Variants in PDHX observed in about 807,000 individuals in gnomAD.
The protein encoded by PDHX is pyruvate dehydrogenase protein X component, mitochondrial.
PDHX carries 33 observed loss-of-function variants against 55.3 expected under a neutral mutation model. The ratio of observed to expected loss-of-function variants is 0.60; its 90% CI spans 0.45 to 0.80. PDHX has a LOEUF of 0.80. Ranked by LOEUF, PDHX falls within the 30% of genes least tolerant of loss-of-function variation. The pLI is 0.00. For missense variants in PDHX, 622 were observed against 619.9 expected, an observed-to-expected ratio of 1.00 and a Z score of -0.04; for synonymous variants, 226 against 219.4, an observed-to-expected ratio of 1.03 and a Z score of -0.27.
At chr11:34,916,562 T>C (rs1853710309), upstream of PDHX, 3 of 1,542,614 alleles carry the variant, frequency 1.9e-6, no homozygotes, top group Non-Finnish European at 2.6e-6. Context: ...AAGGCACCGC[T>C]AGCGTCTGGG....
chr11:34,970,178 G>C lies in PDHX; in HGVS notation c.856G>C (p.Val286Leu), dbSNP rs776474910. Reference sequence around the variant, plus strand: ...AATCCCCGCCAGCAATATTCGAAGAGTTATTGCCAAGAGATTAACTGAATC... The same window carrying C: ...AATCCCCGCCAGCAATATTCGAAGACTTATTGCCAAGAGATTAACTGAATC... ...TEIPASNIRR[V>L]IAKRLTESKS... The change falls in exon 7 of 11, where the codon GTT (valine) becomes CTT (leucine). Residue 286 changes from valine to leucine, a missense_variant. Val to Leu is a conservative substitution (Grantham distance 32, BLOSUM62 1). Coordinates refer to ENST00000227868, the MANE Select transcript of PDHX (RefSeq NM_003477.3). 6.2e-7 allele frequency: 1 copy of C among 1,612,762 alleles called. No individual in the cohort carries two copies. Among genetic ancestry groups the C allele is most frequent in the South Asian group, 1.1e-5 (1 of 91,064 alleles).
intron 9 of PDHX, among the ~76,000 whole-genome samples, chr11:34,990,425 T>G (rs1855732837): frequency 6.6e-6 from 1 of 152,218 alleles, no homozygotes. Context: ...TAGAGTTCAC[T>G]GACAGGAATT....
chr11:34,931,565 T>C (rs529403855), intron 2 of PDHX, 81 bp downstream of exon 2: 2 of 741,698 alleles, frequency 2.7e-6, no homozygotes, highest in Non-Finnish European at 4.8e-6. Flanking sequence ...TAATCTGTCC[T>C]GTTATACAGT....
At chr11:34,951,034 C>T in intron 3 of PDHX, among the ~76,000 whole-genome samples, 1 of 149,046 alleles carries the variant, frequency 6.7e-6, no homozygotes, top group Non-Finnish European at 1.5e-5. Flanking sequence ...CTCTCCAGCA[C>T]CTTTTGTTTC....
chr11:34,994,817 C>A, intron 10 of PDHX, 97 bp from the exon 11 acceptor site: 1 of 1,370,194 alleles, frequency 7.3e-7, no homozygotes, highest in Non-Finnish European at 1.0e-6. Flanking sequence ...TCTTGCCTTA[C>A]TACACTGCCT....
chr11:34,947,970 T>G (rs976300976), intron 3 of PDHX, among the ~76,000 whole-genome samples: 4 of 152,206 alleles, frequency 2.6e-5, no homozygotes, highest in Non-Finnish European at 5.9e-5. Context: ...TCCAGAACCT[T>G]TACTAGGTAG....
chr11:34,984,977 C>T, intron 9 of PDHX: 1 of 407,846 alleles, frequency 2.5e-6, no homozygotes. Context: ...GGAACAACTT[C>T]ATGCTAAAGA....
intron 2 of PDHX, among the ~76,000 whole-genome samples, chr11:34,936,801 T>TTTGTTTTG (rs1854328588): frequency 7.5e-6 from 1 of 133,928 alleles, no homozygotes; most frequent in Non-Finnish European, 1.6e-5. Flanking sequence ...TTTTTTTTTT[T>TTTGTTTTG]TTTTCTGAGA....
chr11:34,969,303 G>T (rs1250327560), intron 6 of PDHX, among the ~76,000 whole-genome samples: 1 of 150,740 alleles, frequency 6.6e-6, no homozygotes, highest in African/African-American at 2.4e-5. Context: ...TTAATAGTTG[G>T]TTTGTTGATT....
rs1776648750 is a variant in PDHX, at chr11:34,995,893, TGTAAACCTTTCTAG to T, written c.*729_*742del. The T allele has an allele frequency of 2.0e-5, 3 of 152,264 alleles. No individual in the cohort carries two copies. The allele number at this position is 152,264 out of a possible 1,614,324, so 9.4% of individuals were successfully genotyped here. On this transcript the variant is annotated 3_prime_UTR_variant, in exon 11 of 11. Transcript: ENST00000227868. ...TCAATGAAAAACTATAGCTAAAATA[TGTAAACCTTTCTAG>T]GTAAACCGCTTGCCTTCATCTTGAG...
At chr11:34,937,597 A>C (rs1393612757) in intron 2 of PDHX, among the ~76,000 whole-genome samples, 1 of 152,198 alleles carries the variant, frequency 6.6e-6, no homozygotes, top group Non-Finnish European at 1.5e-5. Flanking sequence ...GTTGAAGTTC[A>C]GGAGTGAAGT....
At chr11:34,932,715 G>A (rs1003118242) in intron 2 of PDHX, among the ~76,000 whole-genome samples, 1 of 152,128 alleles carries the variant, frequency 6.6e-6, no homozygotes, top group Admixed American at 6.5e-5. Context: ...TTTACCCTTT[G>A]GCCCAGCAGC....
intron 8 of PDHX, among the ~76,000 whole-genome samples, chr11:34,983,292 T>C (rs1855560660): frequency 6.6e-6 from 1 of 152,108 alleles, no homozygotes; most frequent in South Asian, 2.1e-4. Context: ...TAAGACCTAT[T>C]TTTGACAAAC....
intron 2 of PDHX, among the ~76,000 whole-genome samples, chr11:34,939,917 T>C (rs1182345187): frequency 2.0e-5 from 3 of 152,180 alleles, no homozygotes; most frequent in African/African-American, 7.2e-5. Context: ...GAAAGGTCAA[T>C]TGAGCTATCA....
At chr11:34,975,345 G>T (rs973897700) in intron 7 of PDHX, among the ~76,000 whole-genome samples, 3 of 151,800 alleles carry the variant, frequency 2.0e-5, no homozygotes, top group African/African-American at 7.3e-5. Context: ...TGTTCCATGT[G>T]GTTTCTCTTT....
chr11:34,944,074 C>T (rs550392819), intron 2 of PDHX, among the ~76,000 whole-genome samples: 23 of 99,274 alleles, frequency 2.3e-4, no homozygotes, highest in African/African-American at 7.0e-4. Flanking sequence ...ATATATAATA[C>T]AAATATGTGT....
intron 2 of PDHX, among the ~76,000 whole-genome samples, chr11:34,943,861 C>G (rs7104984): frequency 6.6e-6 from 1 of 151,816 alleles, no homozygotes; most frequent in Admixed American, 6.6e-5. Flanking sequence ...TCTCACCTTA[C>G]AAAAACTGAA....
intron 3 of PDHX, among the ~76,000 whole-genome samples, chr11:34,949,435 T>G (rs941379594): frequency 4.0e-5 from 6 of 149,098 alleles, no homozygotes; most frequent in Non-Finnish European, 7.4e-5. Flanking sequence ...GACGGGTTTC[T>G]CCAATTTGGT....
upstream of PDHX, chr11:34,916,589 C>T (rs547276719): frequency 8.2e-6 from 13 of 1,582,946 alleles, no homozygotes; most frequent in Non-Finnish European, 1.1e-5. Flanking sequence ...GCCAACCATG[C>T]GGGAGGCGGG....
Sources: allele counts gnomAD v4.1 joint callset (sites outside exome capture counted in the v4.1 genomes callset), GRCh38; gene constraint gnomAD v4.1.1; transcripts MANE v1.5; gene names NCBI Gene and HGNC (gene_info 2026-07-23, HGNC 2026-07-21).